TGFA: variants seen among roughly 807,000 people sequenced by gnomAD.
The protein encoded by TGFA is protransforming growth factor alpha.
A neutral mutation model predicts 21.7 loss-of-function variants in TGFA; 12 were observed. The observed-to-expected ratio is 0.55, with a 90% confidence interval of 0.35 to 0.90. TGFA has a LOEUF of 0.90. Among genes scored for constraint, TGFA ranks in the 40% least tolerant of loss-of-function variants. The pLI, the probability that TGFA is intolerant of heterozygous loss-of-function variation, is 0.01. For synonymous variants in TGFA, 79 were observed against 88.1 expected (o/e 0.90, Z 0.58); for missense variants, 178 against 210.8 (o/e 0.84, Z 0.96).
intron 1 of TGFA, among the ~76,000 whole-genome samples, chr2:70,529,793 A>C (rs1672763181): frequency 6.6e-6 from 1 of 152,238 alleles, no homozygotes; most frequent in African/African-American, 2.4e-5. Flanking sequence ...AGAGACACTC[A>C]GGGTCCTGGG....
intron 1 of TGFA, among the ~76,000 whole-genome samples, chr2:70,543,529 A>G (rs1305473774): frequency 6.6e-6 from 1 of 150,740 alleles, no homozygotes; most frequent in Non-Finnish European, 1.5e-5. Context: ...CTGTCTCAAA[A>G]AAAAAAAAAA....
chr2:70,488,342 T>C (rs1357680384), intron 2 of TGFA, among the ~76,000 whole-genome samples: 1 of 152,242 alleles, frequency 6.6e-6, no homozygotes, highest in Non-Finnish European at 1.5e-5. Context: ...TTTTATTGCT[T>C]ATATTTAATT....
chr2:70,478,465 C>T (rs1001547460), intron 2 of TGFA, among the ~76,000 whole-genome samples: 15 of 151,404 alleles, frequency 9.9e-5, no homozygotes, highest in Non-Finnish European at 1.5e-4. Context: ...GATCATGTAT[C>T]TCACCAGCTG....
chr2:70,458,788 C>CG (rs1670319736), intron 3 of TGFA, among the ~76,000 whole-genome samples: 1 of 152,232 alleles, frequency 6.6e-6, no homozygotes, highest in African/African-American at 2.4e-5. Flanking sequence ...CCTGAACCCC[C>CG]CAGGACTATG....
At chr2:70,528,512 C>T (rs1368067557) in intron 1 of TGFA, among the ~76,000 whole-genome samples, 11 of 46,560 alleles carry the variant, frequency 2.4e-4, no homozygotes, top group Non-Finnish European at 3.2e-4. Flanking sequence ...AAGGGTAGAA[C>T]GATGTGGGGG....
chr2:70,522,351 C>A (rs374162190), intron 1 of TGFA, among the ~76,000 whole-genome samples: 10 of 152,200 alleles, frequency 6.6e-5, no homozygotes, highest in East Asian at 5.8e-4. Flanking sequence ...TAGATCCCTG[C>A]CGCTACAGCT....
At chr2:70,538,748 G>A (rs1319947926) in intron 1 of TGFA, among the ~76,000 whole-genome samples, 1 of 152,222 alleles carries the variant, frequency 6.6e-6, no homozygotes, top group Non-Finnish European at 1.5e-5. Flanking sequence ...TGAAGATGCT[G>A]TGAACATTGT....
At chr2:70,456,992 T>A (rs1353611092) in intron 3 of TGFA, among the ~76,000 whole-genome samples, 1 of 152,212 alleles carries the variant, frequency 6.6e-6, no homozygotes, top group Admixed American at 6.5e-5. Context: ...TCAGCATGAC[T>A]ACCTGGTCAT....
intron 2 of TGFA, among the ~76,000 whole-genome samples, chr2:70,485,175 T>C (rs549967176): frequency 5.6e-4 from 85 of 152,224 alleles, no homozygotes; most frequent in African/African-American, 2.0e-3. Context: ...TCTGTAGCCT[T>C]ACCGCTCTTC....
At chr2:70,539,296 T>G (rs1673063044) in intron 1 of TGFA, among the ~76,000 whole-genome samples, 1 of 152,046 alleles carries the variant, frequency 6.6e-6, no homozygotes, top group Non-Finnish European at 1.5e-5. Flanking sequence ...TGCCTATACT[T>G]CTCAAACTTT....
At position 70,448,102 on chromosome 2, in the gene TGFA, T is replaced by G. The variant is rs1385456093; in HGVS notation, c.*2757A>C. On this transcript the variant is annotated 3_prime_UTR_variant, in exon 6 of 6. Coordinates refer to ENST00000295400, the MANE Select transcript of TGFA (RefSeq NM_003236.4). ...AAGAACTCTAGGGCCATTCTGCCCATCTCTCCTGCGGGGACACAATGGCCA... is the reference window on the plus strand; with the variant it reads ...AAGAACTCTAGGGCCATTCTGCCCAGCTCTCCTGCGGGGACACAATGGCCA... 1 of 152,238 alleles carries G rather than the reference T, an allele frequency of 6.6e-6. No homozygotes were observed. Among genetic ancestry groups the G allele is most frequent in the Non-Finnish European group, 1.5e-5 (1 of 68,048 alleles). 9.4% of individuals were successfully genotyped at this position (152,238 alleles called of 1,614,324 possible). A position where few individuals can be genotyped will look rare whatever the true frequency, so the allele number is the denominator to read the frequency against.
At chr2:70,472,118 AT>A (rs1553493424) in intron 2 of TGFA, among the ~76,000 whole-genome samples, 1 of 152,080 alleles carries the variant, frequency 6.6e-6, no homozygotes, top group East Asian at 1.9e-4. Context: ...GAGACTTAAA[AT>A]TTAAAAAAAG....
intron 1 of TGFA, among the ~76,000 whole-genome samples, chr2:70,518,003 T>A (rs781813113): frequency 2.6e-5 from 4 of 152,216 alleles, no homozygotes; most frequent in Admixed American, 6.5e-5. Flanking sequence ...TCCAGAAACA[T>A]GTGGCCTTGG....
intron 2 of TGFA, among the ~76,000 whole-genome samples, chr2:70,479,455 A>G (rs1262297292): frequency 2.0e-5 from 3 of 152,214 alleles, no homozygotes; most frequent in African/African-American, 7.2e-5. Flanking sequence ...TTCAGTGCTT[A>G]TAAGACCTTT....
At position 70,503,643 on chromosome 2, in the gene TGFA, A is replaced by T. The variant is rs1327840311; in HGVS notation, c.94+11216T>A. Among the ~76,000 whole-genome samples, 5 of 152,284 alleles carry T rather than the reference A, an allele frequency of 3.3e-5. No homozygotes were observed. The East Asian group carries it at 7.7e-4, about 24-fold the overall frequency. ...CCCCAGGGGGCACAGTTAAGCTTTA[A>T]ATCTAGGTCATCTGGCTCCTGACTT... is the stretch of plus-strand genomic sequence containing the variant. On this transcript the variant is annotated intron_variant, in intron 2 of 5. Transcript: ENST00000295400.
At chr2:70,471,480 C>T (rs1161033057) in intron 2 of TGFA, among the ~76,000 whole-genome samples, 1 of 152,214 alleles carries the variant, frequency 6.6e-6, no homozygotes, top group Non-Finnish European at 1.5e-5. Flanking sequence ...AGCTGATGTG[C>T]TTTACTAAAG....
At chr2:70,475,007 C>T (rs1467229129) in intron 2 of TGFA, among the ~76,000 whole-genome samples, 2 of 110,652 alleles carry the variant, frequency 1.8e-5, no homozygotes, top group Admixed American at 9.6e-5. Context: ...TGTGTGTGTA[C>T]TGGGAAAAAA....
At chr2:70,459,854 G>A (rs1377277155) in intron 3 of TGFA, among the ~76,000 whole-genome samples, 1 of 152,178 alleles carries the variant, frequency 6.6e-6, no homozygotes, top group African/African-American at 2.4e-5. Context: ...ACACAGTGAG[G>A]GAACCCAACA....
At chr2:70,521,523 C>T (rs1672458802) in intron 1 of TGFA, among the ~76,000 whole-genome samples, 1 of 150,838 alleles carries the variant, frequency 6.6e-6, no homozygotes, top group Non-Finnish European at 1.5e-5. Flanking sequence ...ACGAGAGACA[C>T]ATGAGAAAAA....
Sources: gnomAD v4.1 joint callset for allele counts (sites outside exome capture counted in the v4.1 genomes callset) on GRCh38, gnomAD v4.1.1 for gene constraint, MANE v1.5 for transcripts, NCBI Gene and HGNC (gene_info 2026-07-23, HGNC 2026-07-21) for gene names.